The following NCAM2 variants were observed in gnomAD, a reference collection of about 807,000 sequenced individuals.
The protein encoded by NCAM2 is neural cell adhesion molecule 2, also known as N-CAM-2.
Under a neutral mutation model 98.1 loss-of-function variants are expected in NCAM2, and 30 were observed. The ratio of observed to expected loss-of-function variants is 0.31; its 90% confidence interval spans 0.23 to 0.41. The LOEUF is 0.41. Ranked by LOEUF, NCAM2 falls within the 10% of genes least tolerant of loss-of-function variation. The probability of loss-of-function intolerance (pLI) is 1.00; values close to 1 mark genes in which losing one functional copy is unlikely to be tolerated. For missense variants in NCAM2, 867 were observed against 1,005.8 expected, an observed-to-expected ratio of 0.86 and a Z score of 1.87; for synonymous variants, 368 against 342.4, an observed-to-expected ratio of 1.07 and a Z score of -0.83.
In NCAM2 at chr21:21,536,841, A is replaced by G. The variant is rs75439857; in HGVS notation, c.2403-1005A>G. 4.8e-4 allele frequency among the ~76,000 whole-genome samples: 73 copies of G among 152,298 alleles called. 1 individual carries two copies. In the East Asian group the frequency reaches 0.014, roughly 28 times the overall value. On this transcript the variant is annotated intron_variant, in intron 17 of 17. Transcript: ENST00000400546. ...TGAAAGCACAATTCATTGGCATCGA[A>G]GTAGGGTTTATGACGCTGTCTTGAT...
intron 1 of NCAM2, among the ~76,000 whole-genome samples, chr21:21,136,924 CA>C (rs2067068360): frequency 6.7e-6 from 1 of 149,208 alleles, no homozygotes; most frequent in Non-Finnish European, 1.5e-5. Flanking sequence ...GGTTTAAGGA[CA>C]AAAAAGCTAT....
intron 9 of NCAM2, among the ~76,000 whole-genome samples, chr21:21,385,012 T>G (rs2076234816): frequency 6.6e-6 from 1 of 151,806 alleles, no homozygotes; most frequent in Non-Finnish European, 1.5e-5. Flanking sequence ...TTATGAAAGT[T>G]GAAACTTGTT....
At chr21:21,212,781 C>T (rs1054364796) in intron 1 of NCAM2, among the ~76,000 whole-genome samples, 42 of 130,440 alleles carry the variant, frequency 3.2e-4, no homozygotes, top group African/African-American at 1.1e-3. Context: ...CTTGCTCTGT[C>T]GCCCAGGCTG....
At chr21:21,003,893 T>C (rs2146108630) in intron 1 of NCAM2, among the ~76,000 whole-genome samples, 1 of 152,262 alleles carries the variant, frequency 6.6e-6, no homozygotes, top group South Asian at 2.1e-4. Flanking sequence ...ATTGTCCTAG[T>C]GATGCAACAC....
chr21:21,130,961 A>T (rs1345622058), intron 1 of NCAM2, among the ~76,000 whole-genome samples: 1 of 152,188 alleles, frequency 6.6e-6, no homozygotes, highest in African/African-American at 2.4e-5. Flanking sequence ...TTGATACTAA[A>T]CTAAAAAACA....
intron 16 of NCAM2, among the ~76,000 whole-genome samples, chr21:21,519,458 T>C (rs1304325886): frequency 6.6e-6 from 1 of 152,092 alleles, no homozygotes; most frequent in Admixed American, 6.6e-5. Context: ...ATTGATTTTA[T>C]ATTTGGATTA....
intron 8 of NCAM2, among the ~76,000 whole-genome samples, chr21:21,341,908 T>A (rs777085002): frequency 2.6e-5 from 4 of 152,104 alleles, no homozygotes; most frequent in Non-Finnish European, 4.4e-5. Context: ...AAGATAACCT[T>A]GACTGAGGGG....
At chr21:21,327,021 T>C (rs1217332595) in intron 6 of NCAM2, among the ~76,000 whole-genome samples, 1 of 152,170 alleles carries the variant, frequency 6.6e-6, no homozygotes, top group East Asian at 1.9e-4. Context: ...ACTAGTCAGC[T>C]TGGGCTGCCA....
intron 8 of NCAM2, among the ~76,000 whole-genome samples, chr21:21,365,232 T>C (rs1468579804): frequency 2.3e-5 from 2 of 86,842 alleles, no homozygotes; most frequent in Non-Finnish European, 4.5e-5. Context: ...TAATTATTGC[T>C]TAGTGCGTGT....
In NCAM2 at chr21:21,417,966, T is replaced by C. The variant is rs2077027082; in HGVS notation, c.1384-507T>C. ...AAAACAGGGAGAGAAATATCACATA[T>C]CTGGAGACTTTGTTGAACATTAAAG... On this transcript the variant is annotated intron_variant, in intron 10 of 17. Transcript: ENST00000400546. Among the ~76,000 whole-genome samples, 3 of 152,014 alleles carry C rather than the reference T, an allele frequency of 2.0e-5. No homozygotes were observed. The South Asian group carries it at 6.2e-4, about 31-fold the overall frequency.
At position 21,333,466 on chromosome 21, in the gene NCAM2, A is replaced by G. The variant is rs2074770917; in HGVS notation, c.738-2039A>G. ...ACTAATGGAATCTGCATTAACCTCT[A>G]TTAATGCCAACCAAATTATGGGTTC... On this transcript the variant is annotated intron_variant, in intron 6 of 17. Coordinates refer to ENST00000400546, the MANE Select transcript of NCAM2 (RefSeq NM_004540.5). Among the ~76,000 whole-genome samples the G allele has an allele frequency of 1.3e-5, 2 of 152,188 alleles. 1 individual carries two copies. Among genetic ancestry groups the G allele is most frequent in the South Asian group, 4.1e-4 (2 of 4,834 alleles).
In NCAM2 at chr21:21,026,674, A is replaced by T. The variant is rs542212123; in HGVS notation, c.55+28056A>T. Among the ~76,000 whole-genome samples, 114 of 152,090 alleles carry T rather than the reference A, an allele frequency of 7.5e-4. 1 individual carries two copies. The Middle Eastern group carries it at 0.01, about 14-fold the overall frequency. On this transcript the variant is annotated intron_variant, in intron 1 of 17. Coordinates refer to ENST00000400546, the MANE Select transcript of NCAM2 (RefSeq NM_004540.5). ...TTAGTATCTTTCCTGGATATCACGT[A>T]GTTTCTCTATTCCTAAGAAATTCTG...
At chr21:21,039,113 G>C (rs62208999) in intron 1 of NCAM2, among the ~76,000 whole-genome samples, 15,843 of 152,122 alleles carry the variant, frequency 0.1, 1,025 homozygotes, top group Middle Eastern at 0.14. Flanking sequence ...GAAAGTACAT[G>C]TAACAGGCCC....
intron 1 of NCAM2, among the ~76,000 whole-genome samples, chr21:21,154,258 T>C (rs1310812285): frequency 1.3e-5 from 2 of 151,914 alleles, no homozygotes; most frequent in Non-Finnish European, 2.9e-5. Context: ...AAAGAAACAT[T>C]GTTATGGAAT....
intron 9 of NCAM2, among the ~76,000 whole-genome samples, chr21:21,382,277 A>G (rs1020787348): frequency 3.9e-5 from 6 of 152,082 alleles, no homozygotes; most frequent in Admixed American, 3.9e-4. Context: ...CTATTTCTGC[A>G]ATTTTTTTGT....
chr21:21,248,490 A>T (rs1052167939), intron 1 of NCAM2, among the ~76,000 whole-genome samples: 5 of 152,100 alleles, frequency 3.3e-5, no homozygotes, highest in Non-Finnish European at 7.4e-5. Context: ...TTGTGAAAAA[A>T]GTCCATTAAG....
At chr21:21,287,693 C>T (rs911975470) in intron 4 of NCAM2, among the ~76,000 whole-genome samples, 1 of 151,816 alleles carries the variant, frequency 6.6e-6, no homozygotes, top group African/African-American at 2.4e-5. Flanking sequence ...TAGAGCAAAG[C>T]CTCAAAGCAA....
At position 21,286,400 on chromosome 21, in the gene NCAM2, A is replaced by G. The variant is rs2147530361; in HGVS notation, c.469A>G (p.Thr157Ala). The change falls in exon 4 of 18, where the codon ACT (threonine) becomes GCT (alanine). Residue 157 changes from threonine to alanine, a missense_variant. This residue lies in a region of NCAM2 where 447 missense variants were observed against 495.7 expected (regional missense o/e 0.90). Transcript: ENST00000400546. ...SWLYHNEEVTTISDNRFAMLA... is the reference protein window; with the variant it reads ...SWLYHNEEVTAISDNRFAMLA... The stretch of plus-strand genomic sequence containing the variant: ...GTTGTATCATAATGAGGAAGTCACC[A>G]CTATTTCCGACAGTTAGTATTTTGG... 1 of 1,611,900 alleles carries G rather than the reference A, an allele frequency of 6.2e-7. No individual in the cohort carries two copies.
At chr21:21,042,567 G>C (rs1239598082) in intron 1 of NCAM2, among the ~76,000 whole-genome samples, 1 of 152,086 alleles carries the variant, frequency 6.6e-6, no homozygotes, top group Non-Finnish European at 1.5e-5. Context: ...AAAAATCTCA[G>C]GGATTTTTCT....
Sources: gnomAD v4.1 joint callset for allele counts (sites outside exome capture counted in the v4.1 genomes callset) on GRCh38, gnomAD v4.1.1 for gene constraint, gnomAD v4.1.1 regional missense constraint, MANE v1.5 for transcripts, NCBI Gene and HGNC (gene_info 2026-07-23, HGNC 2026-07-21) for gene names.